DAB1: variants seen among roughly 807,000 people sequenced by gnomAD.
The protein encoded by DAB1 is disabled homolog 1.
A neutral mutation model predicts 64.6 loss-of-function variants in DAB1; 15 were observed. That is an observed-to-expected ratio of 0.23 (90% CI 0.16 to 0.36). DAB1 has a LOEUF of 0.36. Among genes scored for constraint, DAB1 ranks in the 10% least tolerant of loss-of-function variants. The pLI is 1.00. For synonymous variants in DAB1, 235 were observed against 251.9 expected (o/e 0.93, Z 0.64); for missense variants, 596 against 706.7 (o/e 0.84, Z 1.78).
At chr1:58,499,795 T>C (rs545928607) in intron 3 of DAB1, among the ~76,000 whole-genome samples, 6 of 151,276 alleles carry the variant, frequency 4.0e-5, no homozygotes, top group Middle Eastern at 3.4e-3. Context: ...TTAAAGTAAA[T>C]AAAAAATAAA....
At chr1:57,185,217 C>T (rs1663412791) in intron 2 of DAB1, among the ~76,000 whole-genome samples, 1 of 152,100 alleles carries the variant, frequency 6.6e-6, no homozygotes, top group Admixed American at 6.5e-5. Flanking sequence ...CCACTCCTAC[C>T]CCTACCATGT....
intron 1 of DAB1, among the ~76,000 whole-genome samples, chr1:57,847,989 C>T (rs1189485982): frequency 6.6e-6 from 1 of 152,096 alleles, no homozygotes; most frequent in East Asian, 1.9e-4. Context: ...AACTGAAGAA[C>T]AAGGAGGCTA....
intron 1 of DAB1, among the ~76,000 whole-genome samples, chr1:57,393,428 C>T (rs1406926745): frequency 6.6e-6 from 1 of 152,128 alleles, no homozygotes; most frequent in East Asian, 1.9e-4. Context: ...TGCAGTGACT[C>T]ATGCCTGTAA....
intron 7 of DAB1, among the ~76,000 whole-genome samples, chr1:57,616,265 G>A (rs1347172883): frequency 1.3e-5 from 2 of 152,152 alleles, no homozygotes; most frequent in East Asian, 3.9e-4. Flanking sequence ...CTATCTCACT[G>A]TTCAGATCTC....
intron 7 of DAB1, among the ~76,000 whole-genome samples, chr1:57,454,182 C>T (rs1262148995): frequency 1.3e-5 from 2 of 152,140 alleles, no homozygotes; most frequent in African/African-American, 4.8e-5. Flanking sequence ...TCATTTTATA[C>T]TCACAGAGCC....
chr1:57,986,594 C>A (rs141609157), intron 5 of DAB1, among the ~76,000 whole-genome samples: 309 of 152,290 alleles, frequency 2.0e-3, no homozygotes, highest in African/African-American at 7.0e-3. Context: ...CAGAGGACCA[C>A]GTGTTCTCCG....
At chr1:57,742,379 G>A (rs1648043992) in intron 6 of DAB1, among the ~76,000 whole-genome samples, 2 of 152,148 alleles carry the variant, frequency 1.3e-5, no homozygotes, top group South Asian at 4.1e-4. Flanking sequence ...ATCAAAATGT[G>A]GGATCAAAAG....
intron 9 of DAB1, among the ~76,000 whole-genome samples, chr1:57,032,881 A>G (rs907465715): frequency 2.6e-5 from 4 of 152,194 alleles, no homozygotes; most frequent in South Asian, 2.1e-4. Context: ...CTGAATAGCA[A>G]CCTCGCCTGT....
At chr1:58,147,989 A>AG (rs1654707079) in intron 5 of DAB1, among the ~76,000 whole-genome samples, 1 of 151,902 alleles carries the variant, frequency 6.6e-6, no homozygotes, top group Admixed American at 6.6e-5. Flanking sequence ...TGGAGAAAAA[A>AG]AAAAAAAAAA....
chr1:57,561,398 G>A (rs1425836282), intron 7 of DAB1, among the ~76,000 whole-genome samples: 2 of 152,198 alleles, frequency 1.3e-5, no homozygotes, highest in East Asian at 1.9e-4. Context: ...CCAGATGTGC[G>A]ATTATATACT....
At chr1:57,561,865 G>C (rs1412297010) in intron 7 of DAB1, among the ~76,000 whole-genome samples, 1 of 152,194 alleles carries the variant, frequency 6.6e-6, no homozygotes, top group Admixed American at 6.5e-5. Flanking sequence ...GCAGCTACCT[G>C]GTAGCAGGTT....
intron 2 of DAB1, among the ~76,000 whole-genome samples, chr1:58,520,779 G>A (rs575128118): frequency 1.8e-3 from 275 of 152,098 alleles, no homozygotes; most frequent in Middle Eastern, 3.4e-3. Context: ...TAACAAGTAT[G>A]TATATTAAAG....
chr1:57,662,149 C>T (rs1296135097), intron 6 of DAB1, among the ~76,000 whole-genome samples: 1 of 152,094 alleles, frequency 6.6e-6, no homozygotes, highest in Non-Finnish European at 1.5e-5. Context: ...GCTCTATTAG[C>T]TACAAAAGCT....
intron 5 of DAB1, among the ~76,000 whole-genome samples, chr1:57,901,971 C>T (rs61770282): frequency 0.25 from 37,908 of 151,700 alleles, 5,486 homozygotes; most frequent in Non-Finnish European, 0.32. Context: ...ACGCGGGCAA[C>T]ATGGCAAAAC....
intron 5 of DAB1, among the ~76,000 whole-genome samples, chr1:58,021,340 C>T (rs1646812384): frequency 6.6e-6 from 1 of 152,150 alleles, no homozygotes; most frequent in African/African-American, 2.4e-5. Flanking sequence ...TAGATTGACT[C>T]ATTTAATTCT....
At chr1:57,507,930 C>T (rs1355063532) in intron 7 of DAB1, among the ~76,000 whole-genome samples, 1 of 152,090 alleles carries the variant, frequency 6.6e-6, no homozygotes, top group African/African-American at 2.4e-5. Flanking sequence ...ATACAGTGAG[C>T]GTTAGAATCA....
intron 4 of DAB1, among the ~76,000 whole-genome samples, chr1:58,286,143 T>C (rs1408809836): frequency 3.9e-5 from 6 of 152,192 alleles, no homozygotes; most frequent in African/African-American, 1.4e-4. Flanking sequence ...ACTCCTGCCT[T>C]ACACCTTACA....
chr1:57,435,408 A>T (rs190940007), intron 7 of DAB1, among the ~76,000 whole-genome samples: 1 of 152,256 alleles, frequency 6.6e-6, no homozygotes, highest in African/African-American at 2.4e-5. Context: ...TTTTTACTTC[A>T]TAAACTTTTG....
At chr1:58,455,974 C>G (rs1486624416) in intron 3 of DAB1, among the ~76,000 whole-genome samples, 1 of 152,254 alleles carries the variant, frequency 6.6e-6, no homozygotes, top group African/African-American at 2.4e-5. Context: ...CCTGGCTCTA[C>G]CTCCACTCAG....
Sources: allele counts gnomAD v4.1 joint callset (sites outside exome capture counted in the v4.1 genomes callset), GRCh38; gene constraint gnomAD v4.1.1; transcripts MANE v1.5; gene names NCBI Gene and HGNC (gene_info 2026-07-23, HGNC 2026-07-21).